ECHDC2: variants seen among roughly 807,000 people sequenced by gnomAD.
The protein encoded by ECHDC2 is enoyl-CoA hydratase domain containing 2.
Under a neutral mutation model 40.6 loss-of-function variants are expected in ECHDC2, and 34 were observed. The observed-to-expected ratio is 0.84, with a 90% CI of 0.64 to 1.11. The LOEUF (loss-of-function observed/expected upper bound fraction) is 1.11, where lower values mean the gene tolerates loss of function less well. ECHDC2 is among the 50% of genes most tolerant of loss of function. The pLI, the probability that ECHDC2 is intolerant of heterozygous loss-of-function variation, is 0.00. For synonymous variants in ECHDC2, 162 were observed against 166.6 expected (o/e 0.97, Z 0.21); for missense variants, 392 against 400.7 (o/e 0.98, Z 0.19).
At chr1:52,910,238 G>A (rs1649047375) in intron 3 of ECHDC2, among the ~76,000 whole-genome samples, 1 of 151,722 alleles carries the variant, frequency 6.6e-6, no homozygotes, top group Admixed American at 6.6e-5. Context: ...TTCTGGGAAT[G>A]GATAGCGGTG....
In ECHDC2 at chr1:52,912,035, T is replaced by C. The variant is rs1379967626; in HGVS notation, c.122-245A>G. On this transcript the variant is annotated intron_variant, in intron 1 of 9. Coordinates refer to ENST00000371522, the MANE Select transcript of ECHDC2 (RefSeq NM_001198961.2). ...AGGACTTGTAAACTGTGAAGCAAAA[T>C]GGGGAGAGGAACAACAGTGACTACC... is the stretch of plus-strand genomic sequence containing the variant. 17 of 1,408,258 alleles carry C rather than the reference T, an allele frequency of 1.2e-5. No individual in the cohort carries two copies. The Admixed American group carries it at 1.5e-4, about 12-fold the overall frequency. The allele number at this position is 1,408,258 out of a possible 1,614,324, so 87.2% of individuals were successfully genotyped here. A position where few individuals can be genotyped will look rare whatever the true frequency, so the allele number is the denominator to read the frequency against.
At chr1:52,903,416 G>T in intron 7 of ECHDC2, among the ~76,000 whole-genome samples, 1 of 151,726 alleles carries the variant, frequency 6.6e-6, no homozygotes, top group East Asian at 1.9e-4. Flanking sequence ...TTTTTAATGA[G>T]GGGTTTTTTG....
rs1294794904 is a variant in ECHDC2, at chr1:52,905,024, T to A, written c.514+10A>T. ...GGGTGGAATTGGGCGGGTGCTGTAGTTGCGATTACCTGCCCCCGGGAGGAG... is the reference window on the plus strand; with the variant it reads ...GGGTGGAATTGGGCGGGTGCTGTAGATGCGATTACCTGCCCCCGGGAGGAG... On this transcript the variant is annotated intron_variant, in intron 6 of 9. Coordinates refer to ENST00000371522, the MANE Select transcript of ECHDC2 (RefSeq NM_001198961.2). The A allele has an allele frequency of 6.2e-7, 1 of 1,614,216 alleles. No individual in the cohort carries two copies. Among genetic ancestry groups the A allele is most frequent in the Non-Finnish European group, 8.5e-7 (1 of 1,180,028 alleles).
intron 3 of ECHDC2, 63 bp downstream of exon 3, chr1:52,911,503 C>A (rs1404070254): frequency 6.5e-7 from 1 of 1,533,844 alleles, no homozygotes; most frequent in Non-Finnish European, 9.0e-7. Flanking sequence ...AAGGTTTCCC[C>A]CAACCCCTGG....
chr1:52,903,350 C>T (rs1647111658), intron 7 of ECHDC2, among the ~76,000 whole-genome samples: 1 of 151,964 alleles, frequency 6.6e-6, no homozygotes, highest in Non-Finnish European at 1.5e-5. Context: ...TTTTGGTGCA[C>T]CGTACCCAAC....
intron 7 of ECHDC2, chr1:52,899,656 A>T (rs536196616): frequency 6.0e-6 from 1 of 165,742 alleles, no homozygotes; most frequent in East Asian, 1.8e-4. Context: ...CTTGGATTGG[A>T]CTCCCAACCA....
At position 52,896,166 on chromosome 1, in the gene ECHDC2, T is replaced by C. The variant is rs142230151; in HGVS notation, c.*354A>G. The C allele has an allele frequency of 2.0e-3, 478 of 242,352 alleles. No individual in the cohort carries two copies. Among genetic ancestry groups the C allele is most frequent in the Non-Finnish European group, 2.6e-3 (315 of 119,246 alleles). The allele number at this position is 242,352 out of a possible 1,614,324, so 15.0% of individuals were successfully genotyped here. On this transcript the variant is annotated 3_prime_UTR_variant, in exon 10 of 10. Transcript: ENST00000371522. The stretch of plus-strand genomic sequence containing the variant: ...GTATCTTAAAATCTTCTGACATCTC[T>C]AATGAGTGCCTGATAACTGAGAGAG...
rs747376367 is a variant in ECHDC2, at chr1:52,896,495, C to A, written c.*25G>T. On this transcript the variant is annotated 3_prime_UTR_variant, in exon 10 of 10. Transcript: ENST00000371522. ...ATCCTGCTCTTCAGGGCATGCATCT[C>A]CCATGCTGAAGGTTAAAATGGGGGT... 3.1e-5 allele frequency: 49 copies of A among 1,596,172 alleles called. No homozygotes were observed. The highest frequency in any genetic ancestry group is 8.3e-5 in the Admixed American group (5 of 59,980).
At chr1:52,915,954 C>T (rs986987381) in intron 1 of ECHDC2, among the ~76,000 whole-genome samples, 1 of 152,030 alleles carries the variant, frequency 6.6e-6, no homozygotes, top group Non-Finnish European at 1.5e-5. Context: ...TGAGAGTGAC[C>T]CCCGGCCAAC....
At chr1:52,918,872 C>T (rs965263337) in intron 1 of ECHDC2, among the ~76,000 whole-genome samples, 1 of 152,026 alleles carries the variant, frequency 6.6e-6, no homozygotes, top group African/African-American at 2.4e-5. Flanking sequence ...GGCTGTGGAC[C>T]CATCCCAGTC....
At chr1:52,908,342 A>C (rs1161002244) in intron 3 of ECHDC2, among the ~76,000 whole-genome samples, 4 of 151,700 alleles carry the variant, frequency 2.6e-5, no homozygotes, top group Admixed American at 2.6e-4. Context: ...CTCCACTAAA[A>C]ATACAAAAAT....
chr1:52,917,952 A>G (rs1315697861), intron 1 of ECHDC2, among the ~76,000 whole-genome samples: 1 of 152,208 alleles, frequency 6.6e-6, no homozygotes, highest in Non-Finnish European at 1.5e-5. Flanking sequence ...CCATTATTTT[A>G]GAATATACTC....
In ECHDC2 at chr1:52,905,105, CAA is replaced by C; in HGVS notation, c.458-17_458-16del. The C allele has an allele frequency of 6.2e-7, 1 of 1,613,864 alleles. No homozygotes were observed. The highest frequency in any genetic ancestry group is 1.1e-5 in the South Asian group (1 of 91,018). ...TGCCGAGGAAGCTGCTCAGATAGAA[CAA>C]AGTGAGGCCTCCCTCCCCCATCCGG... is the stretch of plus-strand genomic sequence containing the variant. On this transcript the variant is annotated splice_polypyrimidine_tract_variant and intron_variant, in intron 5 of 9. Transcript: ENST00000371522.
rs577700305 is a variant in ECHDC2 at position 52,919,158 on chromosome 1, CTG to C, written c.121+2393_121+2394del. On this transcript the variant is annotated intron_variant, in intron 1 of 9. Transcript: ENST00000371522. ...GTCCGCCCGCAAGTCCATGGAAAAA[CTG>C]TCTTTCATGAAAATAGTCCCTGGTG... Among the ~76,000 whole-genome samples the C allele has an allele frequency of 1.7e-3, 261 of 152,270 alleles. 1 individual carries two copies. Among genetic ancestry groups the C allele is most frequent in the Middle Eastern group, 3.4e-3 (1 of 294 alleles).
In ECHDC2 at chr1:52,911,706, C is replaced by T. The variant is rs201328818; in HGVS notation, c.189+17G>A. ...CCAGCCCATCCCCAGCCCACCCTGG[C>T]GCCCGCCCTTTCTTACCTCACTGAC... On this transcript the variant is annotated intron_variant, in intron 2 of 9. Coordinates refer to ENST00000371522, the MANE Select transcript of ECHDC2 (RefSeq NM_001198961.2). The T allele has an allele frequency of 1.5e-5, 25 of 1,614,030 alleles. No homozygotes were observed. Among genetic ancestry groups the T allele is most frequent in the African/African-American group, 4.0e-5 (3 of 74,926 alleles).
chr1:52,910,352 GTTTTTTTTTTTTTTTTTTTTT>G lies in ECHDC2; in HGVS notation c.277+1193_277+1213del, dbSNP rs869088329. Among the ~76,000 whole-genome samples, 17 of 32,102 alleles carry G rather than the reference GTTTTTTTTTTTTTTTTTTTTT, an allele frequency of 5.3e-4. 1 individual carries two copies. In the South Asian group the frequency reaches 8.9e-3, roughly 17 times the overall value. The allele number at this position is 32,102 out of a possible 152,430, so 21.1% of individuals were successfully genotyped here. A position where few individuals can be genotyped will look rare whatever the true frequency, so the allele number is the denominator to read the frequency against. ...GTTACTTATATTTCACCACAATTTCGTTTTTTTTTTTTTTTTTTTTTTTTTTTTTTTTTTGAGATGGAGTTG... is the reference window on the plus strand; with the variant it reads ...GTTACTTATATTTCACCACAATTTCGTTTTTTTTTTTTTGAGATGGAGTTG... On this transcript the variant is annotated intron_variant, in intron 3 of 9. Coordinates refer to ENST00000371522, the MANE Select transcript of ECHDC2 (RefSeq NM_001198961.2).
intron 8 of ECHDC2, 103 bp from the exon 9 acceptor site, chr1:52,897,587 G>T: frequency 1.8e-6 from 2 of 1,101,072 alleles, no homozygotes; most frequent in Non-Finnish European, 2.8e-6. Context: ...TATGAGCAGA[G>T]ATAGCTATGA....
chr1:52,907,893 T>C lies in ECHDC2; in HGVS notation c.339A>G (p.Arg113=). The C allele has an allele frequency of 6.2e-7, 1 of 1,602,286 alleles. No individual in the cohort carries two copies. Among genetic ancestry groups the C allele is most frequent in the Non-Finnish European group, 8.5e-7 (1 of 1,176,738 alleles). Residue 113 remains arginine, a synonymous_variant, in exon 4 of 10, where the codon CGA becomes CGG. Coordinates refer to ENST00000371522, the MANE Select transcript of ECHDC2 (RefSeq NM_001198961.2). ...CGATGTCATTCATCAGGCCCCGGAG[T>C]CGCTGGACAAACACCCCCACCTCTG... is the stretch of plus-strand genomic sequence containing the variant. ...SEAEVGVFVQ[R]LRGLMNDIAA...
intron 7 of ECHDC2, chr1:52,900,942 T>C (rs568242472): frequency 6.6e-6 from 1 of 152,296 alleles, no homozygotes; most frequent in South Asian, 2.1e-4. Flanking sequence ...GGAGGATTGC[T>C]TGCCCAAAGA....
Sources: allele counts gnomAD v4.1 joint callset (sites outside exome capture counted in the v4.1 genomes callset), GRCh38; gene constraint gnomAD v4.1.1; transcripts MANE v1.5; gene names NCBI Gene and HGNC (gene_info 2026-07-23, HGNC 2026-07-21).